The following C6orf120 variants were observed in gnomAD, a reference collection of about 807,000 sequenced individuals.
C6orf120 encodes the protein UPF0669 protein C6orf120.
For synonymous variants in C6orf120, 165 were observed against 123.1 expected, an observed-to-expected ratio of 1.34 and a Z score of -2.25; for missense variants, 311 against 264.2, an observed-to-expected ratio of 1.18 and a Z score of -1.23.
At chr6:169,702,803 G>C in exon 1 of C6orf120, 1 of 1,612,962 alleles carries the variant, frequency 6.2e-7, no homozygotes, top group East Asian at 2.2e-5. Flanking sequence ...CGCCCAGTGG[G>C]CATCGGCGTC....
At chr6:169,702,919 G>T in exon 1 of C6orf120, 1 of 1,612,522 alleles carries the variant, frequency 6.2e-7, no homozygotes, top group Non-Finnish European at 8.5e-7. Context: ...CGCCGACGGC[G>T]CAGATGCCGG....
At chr6:169,702,788 T>A in exon 1 of C6orf120, 2 of 1,613,132 alleles carry the variant, frequency 1.2e-6, no homozygotes, top group Non-Finnish European at 1.7e-6. Flanking sequence ...CCCGCGCACT[T>A]CCGGCGCCCA....
chr6:169,702,574 T>C lies in C6orf120; in HGVS notation c.115T>C (p.Trp39Arg), dbSNP rs769841882. The C allele has an allele frequency of 9.9e-6, 16 of 1,612,728 alleles. No homozygotes were observed. The Admixed American group carries it at 2.0e-4, about 20-fold the overall frequency. The stretch of plus-strand genomic sequence containing the variant: ...GGACGAGGAGGAGGTCCCCGAGGAG[T>C]GGGTGCTCCTGCACGTCGTCCAGGG... The change falls in exon 1 of 1, where the codon TGG (tryptophan) becomes CGG (arginine). Residue 39 changes from tryptophan (W) to arginine (R), a missense_variant. Coordinates refer to ENST00000332290, the Ensembl canonical transcript of C6orf120.
chr6:169,704,009 C>T (rs757890809), exon 1 of C6orf120: 4 of 1,600,182 alleles, frequency 2.5e-6, no homozygotes, highest in East Asian at 4.5e-5. Flanking sequence ...TATTTTATCC[C>T]TCTTTGCTGT....
exon 1 of C6orf120, chr6:169,703,928 G>C: frequency 8.4e-7 from 1 of 1,193,576 alleles, no homozygotes; most frequent in Non-Finnish European, 1.2e-6. Flanking sequence ...TCTTTTATTG[G>C]CATGAAAATA....
chr6:169,704,695 G>C (rs901082381), exon 1 of C6orf120: 5 of 170,458 alleles, frequency 2.9e-5, no homozygotes, highest in African/African-American at 1.2e-4. Context: ...TAATGTTTTA[G>C]TCCAATTACT....
At chr6:169,702,143 G>T, upstream of C6orf120, 1 of 602,040 alleles carries the variant, frequency 1.7e-6, no homozygotes, top group Non-Finnish European at 3.1e-6. Context: ...CCTCCGGCGA[G>T]GCTCCGGCCT....
At position 169,702,594 on chromosome 6, in the gene C6orf120, C is replaced by T. The variant is rs766111071; in HGVS notation, c.135C>T (p.Val45=). The change falls in exon 1 of 1, where the codon GTC becomes GTT. Residue 45 remains valine (V), a synonymous_variant. Coordinates refer to ENST00000332290, the Ensembl canonical transcript of C6orf120. ...AGGAGTGGGTGCTCCTGCACGTCGT[C>T]CAGGGCCAGATAGGCGCCGGGAACT... 68 of 1,613,122 alleles carry T rather than the reference C, an allele frequency of 4.2e-5. 1 individual carries two copies. The East Asian group carries it at 1.4e-3, about 33-fold the overall frequency.
At chr6:169,705,760 G>T, downstream of C6orf120, 1 of 1,003,264 alleles carries the variant, frequency 1.0e-6, no homozygotes, top group Non-Finnish European at 1.6e-6. Context: ...ATTCATGCCA[G>T]AAGAGCTTAC....
exon 1 of C6orf120, chr6:169,703,856 GAGTA>G: frequency 1.6e-6 from 1 of 624,326 alleles, no homozygotes. Flanking sequence ...TTAGTTTCGA[GAGTA>G]AGCGTAGCTT....
exon 1 of C6orf120, chr6:169,702,843 G>C (rs751360157): frequency 1.2e-6 from 2 of 1,612,110 alleles, no homozygotes; most frequent in Admixed American, 3.3e-5. Context: ...TGGAGAGCGA[G>C]TTCGAGATGA....
chr6:169,703,249 G>T (rs564050334), exon 1 of C6orf120: 6 of 610,326 alleles, frequency 9.8e-6, no homozygotes, highest in African/African-American at 1.9e-5. Context: ...CCTATAAAAG[G>T]ACTGTGCACA....
At chr6:169,705,309 CAAG>C, downstream of C6orf120, 1 of 1,606,614 alleles carries the variant, frequency 6.2e-7, no homozygotes, top group Non-Finnish European at 8.5e-7. Flanking sequence ...CATATCCAGG[CAAG>C]AAGGATGGCC....
chr6:169,705,950 T>C (rs1047112312), downstream of C6orf120, among the ~76,000 whole-genome samples: 7 of 152,170 alleles, frequency 4.6e-5, no homozygotes, highest in African/African-American at 1.4e-4. Context: ...CTCGTAAGAT[T>C]AAATGTAGCA....
downstream of C6orf120, chr6:169,705,434 G>A (rs1788747988): frequency 7.7e-6 from 6 of 777,192 alleles, no homozygotes; most frequent in South Asian, 9.0e-5. Context: ...ATGTCAAATC[G>A]CCAAAGAGAA....
At chr6:169,702,972 G>A (rs1169155764) in exon 1 of C6orf120, 1 of 1,603,068 alleles carries the variant, frequency 6.2e-7, no homozygotes, top group East Asian at 2.2e-5. Context: ...CGCAAGAGGA[G>A]GAATCTGTTC....
chr6:169,705,382 T>C, downstream of C6orf120: 1 of 1,174,648 alleles, frequency 8.5e-7, no homozygotes. Flanking sequence ...ATATGGCACA[T>C]AAAATACTAG....
At chr6:169,702,275 GT>G (rs1788324506) in exon 1 of C6orf120, 1 of 687,500 alleles carries the variant, frequency 1.5e-6, no homozygotes, top group South Asian at 1.5e-5. Flanking sequence ...CGGGGGAGGG[GT>G]TAACCCACCC....
chr6:169,702,824 C>T (rs1181140859), exon 1 of C6orf120: 3 of 1,612,580 alleles, frequency 1.9e-6, no homozygotes, highest in Non-Finnish European at 2.5e-6. Flanking sequence ...TATGGACACC[C>T]CTCCCACCTG....
Sources: allele counts gnomAD v4.1 joint callset (sites outside exome capture counted in the v4.1 genomes callset), GRCh38; gene constraint gnomAD v4.1.1; transcripts MANE v1.5; gene names NCBI Gene and HGNC (gene_info 2026-07-23, HGNC 2026-07-21).